SPEF2: variants seen among roughly 807,000 people sequenced by gnomAD.
SPEF2 encodes the protein sperm flagella and cilia-associated protein 2.
Under a neutral mutation model 224.6 loss-of-function variants are expected in SPEF2, and 187 were observed. That is an observed-to-expected ratio of 0.83 (90% CI 0.74 to 0.94). SPEF2 has a LOEUF of 0.94. SPEF2 is among the 40% of genes least tolerant of loss of function. The pLI is 0.00. For missense variants in SPEF2, 2,170 were observed against 2,135.6 expected, an observed-to-expected ratio of 1.02 and a Z score of -0.32; for synonymous variants, 715 against 707.3, an observed-to-expected ratio of 1.01 and a Z score of -0.17.
At chr5:35,724,941 C>G (rs1458601826) in intron 20 of SPEF2, among the ~76,000 whole-genome samples, 1 of 152,166 alleles carries the variant, frequency 6.6e-6, no homozygotes, top group East Asian at 1.9e-4. Context: ...ATAAGCAACC[C>G]CAGATAACCA....
chr5:35,675,884 A>G (rs1291385771), intron 10 of SPEF2: 3 of 455,424 alleles, frequency 6.6e-6, no homozygotes, highest in Non-Finnish European at 4.4e-6. Context: ...AGGATTTCAG[A>G]GGGCTTGATA....
chr5:35,753,555 T>C, intron 23 of SPEF2, 69 bp from the exon 24 acceptor site: 1 of 1,597,436 alleles, frequency 6.3e-7, no homozygotes, highest in Non-Finnish European at 8.5e-7. Flanking sequence ...AGGATTTTAG[T>C]TTTATTGCAC....
At chr5:35,674,337 CTTTTT>C (rs35129181) in intron 10 of SPEF2, among the ~76,000 whole-genome samples, 5 of 94,464 alleles carry the variant, frequency 5.3e-5, no homozygotes, top group African/African-American at 8.2e-5. Flanking sequence ...TTTTCGTCTT[CTTTTT>C]TTTTTTTTTT....
chr5:35,709,486 C>T, intron 19 of SPEF2: 1 of 997,718 alleles, frequency 1.0e-6, no homozygotes, highest in Middle Eastern at 5.1e-4. Context: ...GTAAGAACAT[C>T]TTAATAAAAT....
In SPEF2 at chr5:35,659,283, A is replaced by G. The variant is rs932585388; in HGVS notation, c.1167+76A>G. On this transcript the variant is annotated intron_variant, in intron 8 of 36. Transcript: ENST00000356031. Reference sequence around the variant, plus strand: ...CTACCAAGTCGTGGTAAACAAAGCTATATTTTGTTGCCAATCATCTAATAA... The same window carrying G: ...CTACCAAGTCGTGGTAAACAAAGCTGTATTTTGTTGCCAATCATCTAATAA... The G allele has an allele frequency of 1.4e-5, 19 of 1,380,654 alleles. No homozygotes were observed. The African/African-American group carries it at 2.3e-4, about 17-fold the overall frequency. The allele number at this position is 1,380,654 out of a possible 1,614,324, so 85.5% of individuals were successfully genotyped here. A position where few individuals can be genotyped will look rare whatever the true frequency, so the allele number is the denominator to read the frequency against.
rs762364790 is a variant in SPEF2 at position 35,711,642 on chromosome 5, C to T, written c.2840-1170C>T. On this transcript the variant is annotated intron_variant, in intron 19 of 36. Transcript: ENST00000356031. ...CCTCCCTCCCTCCCTCGCTATCATCCCCCGTCTTTCTTCCAAATTTAGTGG... is the reference window on the plus strand; with the variant it reads ...CCTCCCTCCCTCCCTCGCTATCATCTCCCGTCTTTCTTCCAAATTTAGTGG... Among the ~76,000 whole-genome samples the T allele has an allele frequency of 2.4e-3, 329 of 138,370 alleles. 1 individual carries two copies. Among genetic ancestry groups the T allele is most frequent in the Non-Finnish European group, 3.2e-3 (204 of 64,010 alleles). 90.8% of individuals were successfully genotyped at this position (138,370 alleles called of 152,430 possible).
At position 35,799,968 on chromosome 5, in the gene SPEF2, T is replaced by G. The variant is rs757627527; in HGVS notation, c.4831T>G (p.Phe1611Val). ...TCTTTGGAATTCTTTTTGTGTGCAG[T>G]TTTTCTTTAGGCTATTTGCTGACTA... ...PFNRQEHLIEFFFRLFADYEK... is the reference protein window; with the variant it reads ...PFNRQEHLIEVFFRLFADYEK... Residue 1611 changes from phenylalanine to valine, a missense_variant and splice_region_variant, in exon 34 of 37, where the codon TTT becomes GTT. By Grantham distance (50) the Phe-to-Val change is conservative. Coordinates refer to ENST00000356031, the MANE Select transcript of SPEF2 (RefSeq NM_024867.4). 1.9e-6 allele frequency: 3 copies of G among 1,613,580 alleles called. No homozygotes were observed. The highest frequency in any genetic ancestry group is 2.5e-6 in the Non-Finnish European group (3 of 1,179,826).
At chr5:35,635,401 C>T (rs1745695741) in intron 2 of SPEF2, among the ~76,000 whole-genome samples, 1 of 152,130 alleles carries the variant, frequency 6.6e-6, no homozygotes, top group African/African-American at 2.4e-5. Flanking sequence ...GTAGTGCTTG[C>T]AGCTATAGCA....
At position 35,771,592 on chromosome 5, in the gene SPEF2, T is replaced by C. The variant is rs1195921554; in HGVS notation, c.3802-17T>C. The C allele has an allele frequency of 4.4e-6, 7 of 1,584,020 alleles. No homozygotes were observed. The Admixed American group carries it at 1.4e-4, about 32-fold the overall frequency. On this transcript the variant is annotated splice_polypyrimidine_tract_variant and intron_variant, in intron 26 of 36. Transcript: ENST00000356031. ...GTAAATGAGACATTAACTGAAATAT[T>C]GCTGTTACGCAACCAGGTGGCTGCT...
intron 1 of SPEF2, among the ~76,000 whole-genome samples, chr5:35,619,461 T>C (rs943587199): frequency 2.0e-5 from 3 of 152,090 alleles, no homozygotes; most frequent in African/African-American, 7.2e-5. Context: ...GGTGGGCAGA[T>C]CATGAGGTCA....
chr5:35,783,590 G>T (rs1010759790), intron 30 of SPEF2, among the ~76,000 whole-genome samples: 1 of 152,064 alleles, frequency 6.6e-6, no homozygotes, highest in Non-Finnish European at 1.5e-5. Context: ...CAAAATGTTA[G>T]CTTGGTTTCT....
At chr5:35,787,808 C>G in intron 30 of SPEF2, 1 of 546,184 alleles carries the variant, frequency 1.8e-6, no homozygotes, top group Non-Finnish European at 3.2e-6. Context: ...AGAGATTAAG[C>G]AAAACTGAGG....
intron 20 of SPEF2, among the ~76,000 whole-genome samples, chr5:35,714,802 G>A (rs1385485439): frequency 1.3e-5 from 2 of 151,568 alleles, no homozygotes; most frequent in Non-Finnish European, 2.9e-5. Flanking sequence ...GCCTTTTTCA[G>A]TTAATTGTAA....
At chr5:35,733,536 T>C (rs1479176194) in intron 21 of SPEF2, among the ~76,000 whole-genome samples, 1 of 152,144 alleles carries the variant, frequency 6.6e-6, no homozygotes, top group Non-Finnish European at 1.5e-5. Context: ...GTAGGGAATA[T>C]TATAGGAAGA....
chr5:35,710,513 C>A, intron 19 of SPEF2: 1 of 878,102 alleles, frequency 1.1e-6, no homozygotes, highest in Non-Finnish European at 1.4e-6. Context: ...GCCGAGATTG[C>A]CCCACTGCAC....
intron 2 of SPEF2, among the ~76,000 whole-genome samples, chr5:35,636,521 G>A (rs868590500): frequency 2.6e-5 from 4 of 152,060 alleles, no homozygotes. Flanking sequence ...GCTCCAGCTG[G>A]TTTTACTGTC....
rs755309967 is a variant in SPEF2 at position 35,773,944 on chromosome 5, A to G, written c.4001A>G (p.Glu1334Gly). Residue 1334 changes from glutamate to glycine, a missense_variant, in exon 28 of 37, where the codon GAA becomes GGA. Coordinates refer to ENST00000356031, the MANE Select transcript of SPEF2 (RefSeq NM_024867.4). ...EATPVIVTTE[E>G]IAEIKRKNEL... ...ACTCCTGTCATAGTAACAACAGAGGAAATTGCTGAAATCAAAAGGAAAAAT... is the reference window on the plus strand; with the variant it reads ...ACTCCTGTCATAGTAACAACAGAGGGAATTGCTGAAATCAAAAGGAAAAAT... 1 of 1,613,304 alleles carries G rather than the reference A, an allele frequency of 6.2e-7. No homozygotes were observed. Among genetic ancestry groups the G allele is most frequent in the Non-Finnish European group, 8.5e-7 (1 of 1,179,602 alleles).
At chr5:35,678,172 A>G (rs905868264) in intron 10 of SPEF2, among the ~76,000 whole-genome samples, 3 of 152,244 alleles carry the variant, frequency 2.0e-5, no homozygotes, top group Non-Finnish European at 2.9e-5. Flanking sequence ...TCGTACCATT[A>G]GATTAGGGCA....
At chr5:35,699,574 ACT>A (rs1738158287) in intron 15 of SPEF2, 1 of 151,980 alleles carries the variant, frequency 6.6e-6, no homozygotes, top group African/African-American at 2.4e-5. Flanking sequence ...GGATACTATG[ACT>A]CTACACAGGC....
Sources: allele counts gnomAD v4.1 joint callset (sites outside exome capture counted in the v4.1 genomes callset), GRCh38; gene constraint gnomAD v4.1.1; transcripts MANE v1.5; gene names NCBI Gene and HGNC (gene_info 2026-07-23, HGNC 2026-07-21).